Variants in AATK observed in about 807,000 individuals in gnomAD.
The protein encoded by AATK is serine/threonine-protein kinase LMTK1.
A neutral mutation model predicts 114.3 loss-of-function variants in AATK; 91 were observed. The ratio of observed to expected loss-of-function variants is 0.80; its 90% CI spans 0.67 to 0.95. AATK has a LOEUF of 0.95. Ranked by LOEUF, AATK falls within the 40% of genes least tolerant of loss-of-function variation. The pLI, the probability that AATK is intolerant of heterozygous loss-of-function variation, is 0.00. For missense variants in AATK, 2,176 were observed against 1,965.2 expected (o/e 1.11, Z -2.03); for synonymous variants, 1,075 against 916.5 (o/e 1.17, Z -3.12).
At position 81,122,735 on chromosome 17, in the gene AATK, T is replaced by A; in HGVS notation, c.1201A>T (p.Lys401Ter). The change falls in exon 11 of 14, where the codon AAG becomes TAG. Residue 401 changes from lysine (K) to a stop codon, truncating the protein, a stop_gained. Transcript: ENST00000326724. LOFTEE classifies it high-confidence loss of function. ...TCCTCCTCTGCTTCGGTGGCGCCCT[T>A]GGCACACAGGTAGGACAGCAGCAGG... ...VHLLLSYLCA[K>*]GATEAEEEFE... 1 of 1,597,568 alleles carries A rather than the reference T, an allele frequency of 6.3e-7. No individual in the cohort carries two copies.
At chr17:81,162,319 T>G (rs1042957322) in intron 1 of AATK, among the ~76,000 whole-genome samples, 1 of 151,808 alleles carries the variant, frequency 6.6e-6, no homozygotes, top group Admixed American at 6.5e-5. Flanking sequence ...GCCGAACTCA[T>G]GGGCACAGCT....
chr17:81,136,416 G>A (rs916373538), intron 1 of AATK, among the ~76,000 whole-genome samples: 2 of 152,084 alleles, frequency 1.3e-5, no homozygotes, highest in African/African-American at 4.8e-5. Context: ...ACCAACCTCG[G>A]CCACCCTGGG....
rs766925173 is a variant in AATK at position 81,124,984 on chromosome 17, C to T, written c.786G>A (p.Thr262=). Residue 262 remains threonine (T), a synonymous_variant, in exon 8 of 14, where the codon ACG becomes ACA. Transcript: ENST00000326724. ...SDLALRNCLL[T]ADLTVKIGDY... ...CACCAATCTTCACCGTCAGGTCAGC[C>T]GTGAGCAGGCAGTTCCGCAGGGCCA... 8.2e-6 allele frequency: 13 copies of T among 1,576,740 alleles called. No individual in the cohort carries two copies. The highest frequency in any genetic ancestry group is 8.1e-5 in the African/African-American group (6 of 74,400).
At chr17:81,149,704 C>A (rs982930065) in intron 1 of AATK, among the ~76,000 whole-genome samples, 1 of 152,204 alleles carries the variant, frequency 6.6e-6, no homozygotes, top group Non-Finnish European at 1.5e-5. Context: ...GCCTGTGCCC[C>A]CATGAGCTCT....
intron 1 of AATK, among the ~76,000 whole-genome samples, chr17:81,138,716 C>T (rs111211148): frequency 9.3e-5 from 14 of 151,318 alleles, no homozygotes; most frequent in South Asian, 2.1e-4. Flanking sequence ...TACCCACACG[C>T]GCAAACCCAC....
intron 1 of AATK, among the ~76,000 whole-genome samples, chr17:81,141,788 G>A (rs184451864): frequency 2.0e-5 from 3 of 152,354 alleles, no homozygotes; most frequent in Non-Finnish European, 2.9e-5. Flanking sequence ...CTGTGCACAC[G>A]TGGCTGGACG....
chr17:81,137,382 G>A (rs1344898945), intron 1 of AATK, among the ~76,000 whole-genome samples: 3 of 152,132 alleles, frequency 2.0e-5, no homozygotes, highest in African/African-American at 7.2e-5. Flanking sequence ...GCCACGAGAG[G>A]ACCCTGGGCA....
At chr17:81,128,945 C>T in intron 3 of AATK, 1 of 1,086,662 alleles carries the variant, frequency 9.2e-7, no homozygotes, top group East Asian at 6.7e-5. Flanking sequence ...CACCCCCACC[C>T]TGCCGCAGGC....
chr17:81,124,119 TGA>T (rs1323297570), intron 9 of AATK, among the ~76,000 whole-genome samples: 2 of 151,990 alleles, frequency 1.3e-5, no homozygotes, highest in African/African-American at 4.8e-5. Flanking sequence ...CCGTGGGATC[TGA>T]GAGTTCCCCA....
intron 1 of AATK, among the ~76,000 whole-genome samples, chr17:81,164,315 G>A (rs1033751989): frequency 1.3e-5 from 2 of 152,180 alleles, no homozygotes; most frequent in Non-Finnish European, 2.9e-5. Flanking sequence ...GGCTGGTGCA[G>A]AGCCTAGACC....
At position 81,124,764 on chromosome 17, in the gene AATK, G is replaced by C. The variant is rs563432281; in HGVS notation, c.925C>G (p.Leu309Val). Residue 309 changes from leucine (L) to valine (V), a missense_variant, in exon 9 of 14, where the codon CTG becomes GTG. By Grantham distance (32) the Leu-to-Val change is conservative. Around this residue, in one of 4 missense-constraint regions of AATK, gnomAD observed 273 missense variants for 344.1 expected, o/e 0.79. Transcript: ENST00000326724. ...PELVDEVHSN[L>V]LVVDQTKSGN... ...CTCTTGGTCTGGTCCACGACGAGCA[G>C]GTTGCTATGCACCTCGTCCACCAGC... 1 of 1,612,920 alleles carries C rather than the reference G, an allele frequency of 6.2e-7. No individual in the cohort carries two copies. Among genetic ancestry groups the C allele is most frequent in the South Asian group, 1.1e-5 (1 of 91,090 alleles).
intron 1 of AATK, among the ~76,000 whole-genome samples, chr17:81,140,929 GGGACCAT>G (rs2061126320): frequency 9.2e-6 from 1 of 108,552 alleles, no homozygotes. Context: ...GTGGGACCGT[GGGACCAT>G]GGGGCCGTGA....
In AATK at chr17:81,166,014, G is replaced by A. The variant is rs1428033977; in HGVS notation, c.-22C>T. The A allele has an allele frequency of 6.5e-6, 10 of 1,542,948 alleles. No individual in the cohort carries two copies. The highest frequency in any genetic ancestry group is 2.0e-5 in the Admixed American group (1 of 50,740). Reference sequence around the variant, plus strand: ...ACATGGCCGGGCCAGCGGCCGGCGGGCATCCCGGGAGGGCGCTGCGCTCAG... The same window carrying A: ...ACATGGCCGGGCCAGCGGCCGGCGGACATCCCGGGAGGGCGCTGCGCTCAG... On this transcript the variant is annotated 5_prime_UTR_variant, in exon 1 of 14. Transcript: ENST00000326724.
chr17:81,120,054 G>T lies in AATK; in HGVS notation c.3765C>A (p.Pro1255=). 1 of 1,457,474 alleles carries T rather than the reference G, an allele frequency of 6.9e-7. No individual in the cohort carries two copies. The highest frequency in any genetic ancestry group is 9.1e-7 in the Non-Finnish European group (1 of 1,102,316). The allele number at this position is 1,457,474 out of a possible 1,614,324, so 90.3% of individuals were successfully genotyped here. The change falls in exon 12 of 14, where the codon CCC becomes CCA. Residue 1255 remains proline (P), a synonymous_variant. Coordinates refer to ENST00000326724, the MANE Select transcript of AATK (RefSeq NM_001080395.3). Reference sequence around the variant, plus strand: ...GGGGCGATTCCTTGGCGCCCGGGAAGGGCTCCCCGAGCTCCCGGGTGGGGC... The same window carrying T: ...GGGGCGATTCCTTGGCGCCCGGGAATGGCTCCCCGAGCTCCCGGGTGGGGC... ...QESPTRELGE[P]FPGAKESPPT...
intron 9 of AATK, among the ~76,000 whole-genome samples, chr17:81,124,022 G>T (rs909576631): frequency 2.6e-5 from 4 of 152,188 alleles, no homozygotes; most frequent in Non-Finnish European, 4.4e-5. Context: ...GGGCACCTTG[G>T]TGGAGAGGTG....
chr17:81,164,563 C>T (rs1009861500), intron 1 of AATK, among the ~76,000 whole-genome samples: 4 of 152,228 alleles, frequency 2.6e-5, no homozygotes, highest in South Asian at 4.1e-4. Context: ...CGGTGCTGCT[C>T]GAAGGCGGGG....
rs565731208 is a variant in AATK, at chr17:81,131,239, C to T, written c.190-34G>A. 4.9e-5 allele frequency: 76 copies of T among 1,545,398 alleles called. No individual in the cohort carries two copies. The African/African-American group carries it at 7.6e-4, about 15-fold the overall frequency. ...CGGGCCGGGCATGAGCGGGGCTTCTCGCAGGTCAAGGAAGGGTGTGGCTGG... is the reference window on the plus strand; with the variant it reads ...CGGGCCGGGCATGAGCGGGGCTTCTTGCAGGTCAAGGAAGGGTGTGGCTGG... On this transcript the variant is annotated intron_variant, in intron 2 of 13. Transcript: ENST00000326724.
chr17:81,120,184 G>C lies in AATK; in HGVS notation c.3735+17C>G. On this transcript the variant is annotated intron_variant, in intron 11 of 13. Transcript: ENST00000326724. ...CGACCCCCAGCCCCGGGCAGACCCC[G>C]GGTGGCGGCGGCCCACCTGGTCAAA... 6.4e-7 allele frequency: 1 copy of C among 1,552,500 alleles called. No individual in the cohort carries two copies. Among genetic ancestry groups the C allele is most frequent in the South Asian group, 1.2e-5 (1 of 85,624 alleles).
At chr17:81,118,524 C>T in intron 13 of AATK, 82 bp from the exon 14 acceptor site, 2 of 1,456,528 alleles carry the variant, frequency 1.4e-6, no homozygotes, top group East Asian at 2.4e-5. Flanking sequence ...TGGCCTCCAT[C>T]CCTGGCCCAC....
Sources: gnomAD v4.1 joint callset for allele counts (sites outside exome capture counted in the v4.1 genomes callset) on GRCh38, gnomAD v4.1.1 for gene constraint, gnomAD v4.1.1 regional missense constraint, MANE v1.5 for transcripts, NCBI Gene and HGNC (gene_info 2026-07-23, HGNC 2026-07-21) for gene names.